Variants in TRIM39 observed in about 807,000 individuals in gnomAD.
TRIM39 encodes the protein tripartite motif containing 39.
Under a neutral mutation model 53.6 loss-of-function variants are expected in TRIM39, and 5 were observed. The observed-to-expected ratio is 0.09, with a 90% confidence interval of 0.05 to 0.20. The LOEUF is 0.20. Among genes scored for constraint, TRIM39 ranks in the 10% least tolerant of loss-of-function variants. The pLI, the probability that TRIM39 is intolerant of heterozygous loss-of-function variation, is 1.00. For missense variants in TRIM39, 310 were observed against 621.0 expected (o/e 0.50, Z 5.32); for synonymous variants, 196 against 237.6 (o/e 0.82, Z 1.61).
Position 30,342,300 on chromosome 6 carries a change from A to G in TRIM39, c.*41A>G, listed in dbSNP as rs367910271. 3.1e-6 allele frequency: 5 copies of G among 1,594,876 alleles called. No homozygotes were observed. Among genetic ancestry groups the G allele is most frequent in the Non-Finnish European group, 3.4e-6 (4 of 1,168,866 alleles). ...GAATGACTGGGGTGAGGCAGGGTCA[A>G]GTGCTACGGGCCTCCTTCCCGTGTC... On this transcript the variant is annotated 3_prime_UTR_variant, in exon 8 of 8. Transcript: ENST00000396551. The surrounding 1 kb of genome is among the most constrained non-coding windows in gnomAD (Gnocchi z 4.7).
chr6:30,326,742 T>A (rs1785348889), exon 1 of TRIM39: 1 of 153,430 alleles, frequency 6.5e-6, no homozygotes, highest in East Asian at 1.9e-4. Context: ...CCCCTCTGGG[T>A]CCCTTCTTGC....
At position 30,338,558 on chromosome 6, in the gene TRIM39, G is replaced by A. The variant is rs574906866; in HGVS notation, c.781-1350G>A. On this transcript the variant is annotated intron_variant, in intron 5 of 7. Coordinates refer to ENST00000396551, the Ensembl canonical transcript of TRIM39. This position sits in a 1 kb window ranked among gnomAD's most constrained non-coding sequence, Gnocchi z 4.0. ...ATGCAGTTCACAGTGCCCCCATAAC[G>A]ATTACAATAGTAACATCAAAGATCA... is the stretch of plus-strand genomic sequence containing the variant. Among the ~76,000 whole-genome samples, 41 of 150,302 alleles carry A rather than the reference G, an allele frequency of 2.7e-4. No individual in the cohort carries two copies. Among genetic ancestry groups the A allele is most frequent in the African/African-American group, 9.6e-4 (39 of 40,724 alleles).
chr6:30,329,027 C>A (rs181517611), exon 2 of TRIM39: 11 of 397,634 alleles, frequency 2.8e-5, no homozygotes, highest in Non-Finnish European at 2.7e-5. Flanking sequence ...CTCTTTCTAA[C>A]AAGAGAAAGC....
In TRIM39 at chr6:30,335,639, C is replaced by T; in HGVS notation, c.550-106C>T. The T allele has an allele frequency of 7.1e-7, 1 of 1,410,554 alleles. No individual in the cohort carries two copies. The highest frequency in any genetic ancestry group is 9.5e-7 in the Non-Finnish European group (1 of 1,057,808). The allele number at this position is 1,410,554 out of a possible 1,614,324, so 87.4% of individuals were successfully genotyped here. The stretch of plus-strand genomic sequence containing the variant: ...CACCCAGCCTTTGTTAAACCATTTT[C>T]AATGAAACTGGAAGTCTGTGTTAAT... On this transcript the variant is annotated intron_variant, in intron 4 of 7. Coordinates refer to ENST00000396551, the Ensembl canonical transcript of TRIM39. This position sits in a 1 kb window ranked among gnomAD's most constrained non-coding sequence, Gnocchi z 4.7.
intron 7 of TRIM39, 179 bp from the exon 8 acceptor site, chr6:30,341,533 G>C (rs1787547713): frequency 1.1e-6 from 1 of 918,322 alleles, no homozygotes; most frequent in Non-Finnish European, 1.7e-6. Context: ...GGTGAGAAGT[G>C]AGCCATTGCT....
At chr6:30,337,744 A>C (rs1346520409) in intron 5 of TRIM39, among the ~76,000 whole-genome samples, 2 of 152,222 alleles carry the variant, frequency 1.3e-5, no homozygotes, top group Non-Finnish European at 2.9e-5. Flanking sequence ...GCTTCTAATA[A>C]GAAAGTCATC....
At position 30,335,993 on chromosome 6, in the gene TRIM39, G is replaced by A; in HGVS notation, c.780+18G>A. 1 of 1,612,658 alleles carries A rather than the reference G, an allele frequency of 6.2e-7. No individual in the cohort carries two copies. The highest frequency in any genetic ancestry group is 1.1e-5 in the South Asian group (1 of 90,944). Reference sequence around the variant, plus strand: ...TGCTTAAGGTTCGACCTTTGCCCCTGCATAGCCCCTCAGGCTGAGTGCAGC... The same window carrying A: ...TGCTTAAGGTTCGACCTTTGCCCCTACATAGCCCCTCAGGCTGAGTGCAGC... On this transcript the variant is annotated intron_variant, in intron 5 of 7. Coordinates refer to ENST00000396551, the Ensembl canonical transcript of TRIM39. The surrounding 1 kb of genome is among the most constrained non-coding windows in gnomAD (Gnocchi z 4.7).
exon 8 of TRIM39, chr6:30,343,317 C>T (rs2127417532): frequency 6.5e-6 from 1 of 152,766 alleles, no homozygotes; most frequent in South Asian, 2.1e-4. Context: ...GCCAGATAGG[C>T]AACTTCATTT....
chr6:30,329,707 A>G, exon 3 of TRIM39: 1 of 1,612,984 alleles, frequency 6.2e-7, no homozygotes, highest in Non-Finnish European at 8.5e-7. Context: ...TGATATGTGC[A>G]ATTTCCCACA....
At chr6:30,341,874 G>A in exon 8 of TRIM39, 1 of 1,613,034 alleles carries the variant, frequency 6.2e-7, no homozygotes, top group Non-Finnish European at 8.5e-7. Context: ...TTCACCTCAG[G>A]TCGACACTAC....
In TRIM39 at chr6:30,341,905, C is replaced by T. The variant is rs559355594; in HGVS notation, c.1113C>T (p.Asp371=). Residue 371 remains aspartate, a synonymous_variant, in exon 8 of 8, where the codon GAC becomes GAT. Transcript: ENST00000396551. ...ACTACTGGGAGGTGGAGGTGGGCGA[C>T]AAGACCCACTGGGCAGTGGGTGTAT... 32 of 1,613,010 alleles carry T rather than the reference C, an allele frequency of 2.0e-5. 1 individual carries two copies. The South Asian group carries it at 3.3e-4, about 17-fold the overall frequency.
Position 30,342,266 on chromosome 6 carries a change from G to C in TRIM39, c.*7G>C. Reference sequence around the variant, plus strand: ...CCCAACAGATTGGGAGTGACAGGTTGGGATGTGGGAATGACTGGGGTGAGG... The same window carrying C: ...CCCAACAGATTGGGAGTGACAGGTTCGGATGTGGGAATGACTGGGGTGAGG... On this transcript the variant is annotated 3_prime_UTR_variant, in exon 8 of 8. Coordinates refer to ENST00000396551, the Ensembl canonical transcript of TRIM39. The surrounding 1 kb of genome is among the most constrained non-coding windows in gnomAD (Gnocchi z 4.7). The C allele has an allele frequency of 1.2e-6, 2 of 1,611,380 alleles. No individual in the cohort carries two copies. Among genetic ancestry groups the C allele is most frequent in the Non-Finnish European group, 1.7e-6 (2 of 1,178,986 alleles).
chr6:30,337,876 C>G (rs1787055320), intron 5 of TRIM39, among the ~76,000 whole-genome samples: 1 of 152,238 alleles, frequency 6.6e-6, no homozygotes, highest in Non-Finnish European at 1.5e-5. Flanking sequence ...AGTGTAGCCA[C>G]CTTCATCAGT....
intron 6 of TRIM39, chr6:30,340,167 T>G (rs1336093657): frequency 8.8e-7 from 1 of 1,132,864 alleles, no homozygotes; most frequent in Non-Finnish European, 1.3e-6. Context: ...TAAGGTAGAA[T>G]CAGATTCTAC....
In TRIM39 at chr6:30,342,260, C is replaced by T; in HGVS notation, c.*1C>T. The stretch of plus-strand genomic sequence containing the variant: ...CAGGCCCCCAACAGATTGGGAGTGA[C>T]AGGTTGGGATGTGGGAATGACTGGG... On this transcript the variant is annotated 3_prime_UTR_variant, in exon 8 of 8. Coordinates refer to ENST00000396551, the Ensembl canonical transcript of TRIM39. The surrounding 1 kb of genome is among the most constrained non-coding windows in gnomAD (Gnocchi z 4.7). The T allele has an allele frequency of 6.2e-7, 1 of 1,611,910 alleles. No homozygotes were observed. Among genetic ancestry groups the T allele is most frequent in the South Asian group, 1.1e-5 (1 of 90,936 alleles).
In TRIM39 at chr6:30,342,287, T is replaced by C; in HGVS notation, c.*28T>C. The stretch of plus-strand genomic sequence containing the variant: ...GGTTGGGATGTGGGAATGACTGGGG[T>C]GAGGCAGGGTCAAGTGCTACGGGCC... On this transcript the variant is annotated 3_prime_UTR_variant, in exon 8 of 8. Coordinates refer to ENST00000396551, the Ensembl canonical transcript of TRIM39. This position sits in a 1 kb window ranked among gnomAD's most constrained non-coding sequence, Gnocchi z 4.7. 2 of 1,606,058 alleles carry C rather than the reference T, an allele frequency of 1.2e-6. No homozygotes were observed. The highest frequency in any genetic ancestry group is 1.7e-6 in the Non-Finnish European group (2 of 1,175,996).
At position 30,335,005 on chromosome 6, in the gene TRIM39, G is replaced by A. The variant is rs534787517; in HGVS notation, c.550-740G>A. ...TCCTAAGCACTAAGTTTACAGGCAT[G>A]AGCCACCATGCTGAGCCTATACTTT... is the stretch of plus-strand genomic sequence containing the variant. On this transcript the variant is annotated intron_variant, in intron 4 of 7. Coordinates refer to ENST00000396551, the Ensembl canonical transcript of TRIM39. This position sits in a 1 kb window ranked among gnomAD's most constrained non-coding sequence, Gnocchi z 4.7. Among the ~76,000 whole-genome samples, 1 of 152,242 alleles carries A rather than the reference G, an allele frequency of 6.6e-6. No homozygotes were observed. The highest frequency in any genetic ancestry group is 2.4e-5 in the African/African-American group (1 of 41,538).
In TRIM39 at chr6:30,339,825, C is replaced by T; in HGVS notation, c.781-83C>T. The stretch of plus-strand genomic sequence containing the variant: ...CTATCCCTATTTTATAGCTGTGGAA[C>T]TTTGGGGAGGAGGGGGAACCTTTTG... On this transcript the variant is annotated intron_variant, in intron 5 of 7. Coordinates refer to ENST00000396551, the Ensembl canonical transcript of TRIM39. This position sits in a 1 kb window ranked among gnomAD's most constrained non-coding sequence, Gnocchi z 4.2. 2 of 1,585,898 alleles carry T rather than the reference C, an allele frequency of 1.3e-6. No homozygotes were observed. Among genetic ancestry groups the T allele is most frequent in the South Asian group, 2.2e-5 (2 of 89,526 alleles).
chr6:30,340,367 C>A (rs1787361891), intron 6 of TRIM39, 138 bp from the exon 7 acceptor site: 2 of 1,612,448 alleles, frequency 1.2e-6, no homozygotes, highest in South Asian at 2.2e-5. Context: ...AACAGGTGAG[C>A]TTTTCAGGGA....
Sources: allele counts gnomAD v4.1 joint callset (sites outside exome capture counted in the v4.1 genomes callset), GRCh38; gene constraint gnomAD v4.1.1; non-coding constraint Gnocchi (gnomAD v3.1); transcripts MANE v1.5; gene names NCBI Gene and HGNC (gene_info 2026-07-23, HGNC 2026-07-21).